The following PCDHGB2 variants were observed in gnomAD, a reference collection of about 807,000 sequenced individuals.
The protein encoded by PCDHGB2 is protocadherin gamma subfamily B, 2, also known as protocadherin gamma-B2.
Under a neutral mutation model 59.3 loss-of-function variants are expected in PCDHGB2, and 55 were observed. The observed-to-expected ratio is 0.93, with a 90% CI of 0.75 to 1.16. The LOEUF is 1.16. Among genes scored for constraint, PCDHGB2 ranks in the 50% most tolerant of loss-of-function variants. The pLI is 0.00. For synonymous variants in PCDHGB2, 516 were observed against 512.0 expected, an observed-to-expected ratio of 1.01 and a Z score of -0.11; for missense variants, 1,228 against 1,198.5, an observed-to-expected ratio of 1.02 and a Z score of -0.36.
At chr5:141,421,705 G>C (rs1249601582) in intron 1 of PCDHGB2, 1 of 1,613,944 alleles carries the variant, frequency 6.2e-7, no homozygotes, top group Non-Finnish European at 8.5e-7. Context: ...TAATGCTAGG[G>C]ATCCAGATGT....
At position 141,477,137 on chromosome 5, in the gene PCDHGB2, G is replaced by A; in HGVS notation, c.2422-17670G>A. 1 of 1,614,200 alleles carries A rather than the reference G, an allele frequency of 6.2e-7. No individual in the cohort carries two copies. The highest frequency in any genetic ancestry group is 8.5e-7 in the Non-Finnish European group (1 of 1,180,050). On this transcript the variant is annotated intron_variant, in intron 1 of 3. Coordinates refer to ENST00000522605, the MANE Select transcript of PCDHGB2 (RefSeq NM_018923.3). The surrounding 1 kb of genome is among the most constrained non-coding windows in gnomAD (Gnocchi z 4.9). ...AGGAGCACATTGCAAAGTGTTGGTG[G>A]AGGTTGTGGATGTGAATGACAACGC...
chr5:141,428,354 T>G, intron 1 of PCDHGB2: 1 of 572,018 alleles, frequency 1.7e-6, no homozygotes. Context: ...GCAGTGATTT[T>G]GGCGGTCGCC....
rs774439162 is a variant in PCDHGB2 at position 141,360,155 on chromosome 5, G to T, written c.20G>T (p.Arg7Met). 2.5e-6 allele frequency: 4 copies of T among 1,603,962 alleles called. No individual in the cohort carries two copies. In the South Asian group the frequency reaches 4.5e-5, roughly 18 times the overall value. Residue 7 changes from arginine to methionine, a missense_variant, in exon 1 of 4, where the codon AGG (arginine) becomes ATG (methionine). By Grantham distance (91) the Arg-to-Met change is moderately conservative. Transcript: ENST00000522605. The stretch of plus-strand genomic sequence containing the variant: ...CAGAAGATGAAAGCGAGCTCAGGGA[G>T]GTGCGGGCTGGTGCGGTGGCTGCAG... Reference protein sequence around the residue: MKASSGRCGLVRWLQVL... With the variant: MKASSGMCGLVRWLQVL...
intron 1 of PCDHGB2, among the ~76,000 whole-genome samples, chr5:141,467,820 G>T (rs1278112158): frequency 6.6e-6 from 1 of 151,884 alleles, no homozygotes; most frequent in African/African-American, 2.4e-5. Flanking sequence ...CACCACACCA[G>T]GCTGATTTTT....
chr5:141,405,010 CT>C (rs2094596164), intron 1 of PCDHGB2: 3 of 1,614,014 alleles, frequency 1.9e-6, no homozygotes, highest in Non-Finnish European at 2.5e-6. Context: ...ACCTGGAGGC[CT>C]CAGACCTTAC....
intron 1 of PCDHGB2, among the ~76,000 whole-genome samples, chr5:141,466,994 T>C (rs944607423): frequency 6.6e-6 from 1 of 152,176 alleles, no homozygotes; most frequent in African/African-American, 2.4e-5. Flanking sequence ...CTTTTGGCAT[T>C]TTTTTGCAAT....
At chr5:141,400,904 T>C (rs958521699) in intron 1 of PCDHGB2, among the ~76,000 whole-genome samples, 14 of 152,250 alleles carry the variant, frequency 9.2e-5, no homozygotes, top group African/African-American at 3.4e-4. Context: ...TAATTCATCT[T>C]TTAAAGCAAA....
At chr5:141,376,106 C>G (rs747782630) in intron 1 of PCDHGB2, 2 of 1,613,796 alleles carry the variant, frequency 1.2e-6, no homozygotes, top group East Asian at 4.5e-5. Flanking sequence ...CCTGGCCGAC[C>G]TGGGCAGCCT....
intron 1 of PCDHGB2, among the ~76,000 whole-genome samples, chr5:141,465,502 G>T (rs948827391): frequency 6.6e-6 from 1 of 152,152 alleles, no homozygotes; most frequent in Non-Finnish European, 1.5e-5. Flanking sequence ...GAGCATTGTC[G>T]TGGTCAGGAA....
chr5:141,485,797 C>T lies in PCDHGB2; in HGVS notation c.2422-9010C>T. 1 of 1,614,228 alleles carries T rather than the reference C, an allele frequency of 6.2e-7. No homozygotes were observed. Among genetic ancestry groups the T allele is most frequent in the South Asian group, 1.1e-5 (1 of 91,092 alleles). On this transcript the variant is annotated intron_variant, in intron 1 of 3. Coordinates refer to ENST00000522605, the MANE Select transcript of PCDHGB2 (RefSeq NM_018923.3). This position sits in a 1 kb window ranked among gnomAD's most constrained non-coding sequence, Gnocchi z 5.7. ...TGGATCGAGAGAAGCAATCGGACTACCGCCTGGTGCTGACTGCTGTCGATG... is the reference window on the plus strand; with the variant it reads ...TGGATCGAGAGAAGCAATCGGACTATCGCCTGGTGCTGACTGCTGTCGATG...
intron 1 of PCDHGB2, chr5:141,366,216 CG>C (rs1338698624): frequency 6.2e-7 from 1 of 1,613,804 alleles, no homozygotes; most frequent in Non-Finnish European, 8.5e-7. Context: ...GTGCGCACAG[CG>C]CGAGCCCTGC....
At chr5:141,415,274 C>T (rs775112066) in intron 1 of PCDHGB2, 19 of 1,614,086 alleles carry the variant, frequency 1.2e-5, no homozygotes, top group Admixed American at 1.0e-4. Context: ...CTGGTGGTAG[C>T]GGTGGCCGCG....
chr5:141,466,975 A>G (rs769024064), intron 1 of PCDHGB2, among the ~76,000 whole-genome samples: 1 of 151,842 alleles, frequency 6.6e-6, no homozygotes, highest in Non-Finnish European at 1.5e-5. Flanking sequence ...CTCACAGCTC[A>G]TCATTTACCT....
intron 1 of PCDHGB2, among the ~76,000 whole-genome samples, chr5:141,443,858 T>C (rs1325927807): frequency 6.6e-6 from 1 of 152,162 alleles, no homozygotes; most frequent in Non-Finnish European, 1.5e-5. Context: ...GTCTGAAAAC[T>C]GAAAAAATTA....
At chr5:141,427,570 C>T (rs1487817661) in intron 1 of PCDHGB2, 1 of 662,270 alleles carries the variant, frequency 1.5e-6, no homozygotes, top group Admixed American at 2.1e-5. Context: ...GGCAAGCCTC[C>T]GCTCTCATCC....
At position 141,393,564 on chromosome 5, in the gene PCDHGB2, G is replaced by A; in HGVS notation, c.2421+31008G>A. On this transcript the variant is annotated intron_variant, in intron 1 of 3. Coordinates refer to ENST00000522605, the MANE Select transcript of PCDHGB2 (RefSeq NM_018923.3). ...TCCTCACCCGATTTACCGAGTGAAA[G>A]TCCTTGAGAACATGCCCCCAGGCAC... is the stretch of plus-strand genomic sequence containing the variant. 1 of 1,613,932 alleles carries A rather than the reference G, an allele frequency of 6.2e-7. No individual in the cohort carries two copies. Among genetic ancestry groups the A allele is most frequent in the Non-Finnish European group, 8.5e-7 (1 of 1,179,894 alleles).
At chr5:141,402,788 C>A in intron 1 of PCDHGB2, 1 of 937,148 alleles carries the variant, frequency 1.1e-6, no homozygotes, top group Non-Finnish European at 1.5e-6. Flanking sequence ...AGTTCTGCGG[C>A]TACACAAAAC....
intron 1 of PCDHGB2, chr5:141,372,120 G>A (rs1169863583): frequency 3.1e-6 from 5 of 1,613,776 alleles, no homozygotes; most frequent in African/African-American, 1.3e-5. Flanking sequence ...TGCGCTCTTC[G>A]ATATGGTGCC....
chr5:141,472,308 G>A (rs897967832), intron 1 of PCDHGB2, among the ~76,000 whole-genome samples: 6 of 152,074 alleles, frequency 3.9e-5, no homozygotes, highest in South Asian at 4.1e-4. Context: ...TTGGGAAGCC[G>A]AGGCAGGCAG....
Sources: gnomAD v4.1 joint callset for allele counts (sites outside exome capture counted in the v4.1 genomes callset) on GRCh38, gnomAD v4.1.1 for gene constraint, Gnocchi (gnomAD v3.1) non-coding constraint, MANE v1.5 for transcripts, NCBI Gene and HGNC (gene_info 2026-07-23, HGNC 2026-07-21) for gene names.